RUNX1T1: variants seen among roughly 807,000 people sequenced by gnomAD.
RUNX1T1 encodes protein CBFA2T1.
Under a neutral mutation model 62.8 loss-of-function variants are expected in RUNX1T1, and 4 were observed. That is an observed-to-expected ratio of 0.06 (90% CI 0.03 to 0.15). RUNX1T1 has a LOEUF of 0.15. RUNX1T1 is among the 10% of genes least tolerant of loss of function. The pLI, the probability that RUNX1T1 is intolerant of heterozygous loss-of-function variation, is 1.00. For synonymous variants in RUNX1T1, 291 were observed against 286.0 expected, an observed-to-expected ratio of 1.02 and a Z score of -0.18; for missense variants, 508 against 754.3, an observed-to-expected ratio of 0.67 and a Z score of 3.82.
intron 1 of RUNX1T1, among the ~76,000 whole-genome samples, chr8:92,043,155 T>C (rs1055459955): frequency 4.6e-5 from 7 of 152,204 alleles, no homozygotes; most frequent in Non-Finnish European, 5.9e-5. Flanking sequence ...TATACATATT[T>C]CTCAGACCTC....
downstream of RUNX1T1, chr8:91,955,976 G>A (rs2130323645): frequency 4.3e-6 from 1 of 229,914 alleles, no homozygotes; most frequent in African/African-American, 2.2e-5. Context: ...GAGTGACAAT[G>A]GTAGCGACTT....
intron 1 of RUNX1T1, among the ~76,000 whole-genome samples, chr8:92,094,272 T>C (rs1837465494): frequency 6.6e-6 from 1 of 152,240 alleles, no homozygotes. Flanking sequence ...CATATCTATC[T>C]ATCTATGAAA....
intron 1 of RUNX1T1, among the ~76,000 whole-genome samples, chr8:92,029,935 T>C (rs1401232235): frequency 6.6e-6 from 1 of 152,206 alleles, no homozygotes; most frequent in Non-Finnish European, 1.5e-5. Flanking sequence ...TCAAGAACTT[T>C]ACATTCTAAT....
chr8:92,075,897 GA>G, intron 2 of RUNX1T1, 67 bp downstream of exon 2: 1 of 1,378,688 alleles, frequency 7.3e-7, no homozygotes. Context: ...TAATTTATTG[GA>G]AAAAATAGAT....
intron 1 of RUNX1T1, among the ~76,000 whole-genome samples, chr8:92,034,777 CACATAT>C (rs1563810513): frequency 1.7e-5 from 2 of 119,008 alleles, no homozygotes; most frequent in Non-Finnish European, 3.8e-5. Flanking sequence ...CATATATATA[CACATAT>C]ATATATACAT....
chr8:91,986,972 C>A, exon 7 of RUNX1T1: 1 of 1,604,166 alleles, frequency 6.2e-7, no homozygotes. Flanking sequence ...GCCATGCAAC[C>A]CTACAAAAAT....
chr8:92,037,505 C>A (rs905604929), intron 1 of RUNX1T1, among the ~76,000 whole-genome samples: 4 of 152,148 alleles, frequency 2.6e-5, no homozygotes, highest in Non-Finnish European at 5.9e-5. Context: ...TGGCGAAACC[C>A]TGTCTCTACA....
intron 1 of RUNX1T1, among the ~76,000 whole-genome samples, chr8:92,042,462 C>T (rs114485871): frequency 0.014 from 2,171 of 152,226 alleles, 55 homozygotes; most frequent in African/African-American, 0.049. Context: ...GGACTACAGG[C>T]GTATGCCACC....
intron 9 of RUNX1T1, among the ~76,000 whole-genome samples, chr8:91,973,216 T>C (rs1446575446): frequency 1.3e-5 from 2 of 151,840 alleles, no homozygotes; most frequent in Admixed American, 1.3e-4. Flanking sequence ...AGAAATTATG[T>C]CTGCAACTTA....
intron 1 of RUNX1T1, among the ~76,000 whole-genome samples, chr8:92,081,073 T>G (rs944402755): frequency 6.6e-6 from 1 of 152,230 alleles, no homozygotes; most frequent in Non-Finnish European, 1.5e-5. Flanking sequence ...ATACGCACTC[T>G]GGCTGGATTG....
intron 1 of RUNX1T1, among the ~76,000 whole-genome samples, chr8:92,048,211 C>T (rs1408158421): frequency 2.6e-5 from 4 of 152,082 alleles, no homozygotes; most frequent in Admixed American, 2.0e-4. Context: ...TTGTTTTAGA[C>T]GTTTAAGGAC....
At chr8:92,012,024 T>C (rs1256906099) in intron 3 of RUNX1T1, among the ~76,000 whole-genome samples, 1 of 152,234 alleles carries the variant, frequency 6.6e-6, no homozygotes, top group Non-Finnish European at 1.5e-5. Context: ...TTTGGGAATT[T>C]GTGACCTAAC....
At chr8:92,095,682 A>C in intron 1 of RUNX1T1, 4 of 572,518 alleles carry the variant, frequency 7.0e-6, no homozygotes, top group Non-Finnish European at 1.0e-5. Context: ...GGAGGGAAGG[A>C]GGGATGGAGG....
chr8:92,014,520 G>A, intron 3 of RUNX1T1, 59 bp downstream of exon 4: 2 of 1,476,414 alleles, frequency 1.4e-6, no homozygotes, highest in Non-Finnish European at 1.8e-6. Context: ...ACATGTCTGA[G>A]TCTCCCACCC....
chr8:92,062,903 A>G, exon 1 of RUNX1T1: 3 of 1,324,350 alleles, frequency 2.3e-6, no homozygotes, highest in Non-Finnish European at 2.9e-6. Context: ...CAAGTTTCAG[A>G]GCACCAAAAA....
intron 1 of RUNX1T1, among the ~76,000 whole-genome samples, chr8:92,023,344 C>G (rs554137151): frequency 1.3e-5 from 2 of 152,218 alleles, no homozygotes; most frequent in Admixed American, 6.5e-5. Context: ...GGCTTATGAT[C>G]ATTACAAACA....
At chr8:92,019,827 G>T (rs1312531823) in intron 1 of RUNX1T1, among the ~76,000 whole-genome samples, 2 of 146,420 alleles carry the variant, frequency 1.4e-5, no homozygotes, top group African/African-American at 5.2e-5. Context: ...TCTGAATATT[G>T]TCTTGGTCCA....
At chr8:92,039,131 A>G (rs1034332953) in intron 1 of RUNX1T1, among the ~76,000 whole-genome samples, 1 of 150,022 alleles carries the variant, frequency 6.7e-6, no homozygotes, top group African/African-American at 2.5e-5. Context: ...TCCAAAAGGC[A>G]ATTTTTGTTG....
At chr8:92,098,992 T>G (rs1246447058) in intron 1 of RUNX1T1, among the ~76,000 whole-genome samples, 3 of 152,208 alleles carry the variant, frequency 2.0e-5, no homozygotes, top group African/African-American at 7.2e-5. Context: ...GGAAAAAAAG[T>G]GAAGTTGGAA....
Sources: gnomAD v4.1 joint callset for allele counts (sites outside exome capture counted in the v4.1 genomes callset) on GRCh38, gnomAD v4.1.1 for gene constraint, MANE v1.5 for transcripts, NCBI Gene and HGNC (gene_info 2026-07-23, HGNC 2026-07-21) for gene names.